The following SYNPO variants were observed in gnomAD, a reference collection of about 807,000 sequenced individuals.
SYNPO encodes synaptopodin.
SYNPO carries 19 observed loss-of-function variants against 49.5 expected under a neutral mutation model. The ratio of observed to expected loss-of-function variants is 0.38; its 90% CI spans 0.27 to 0.56. The LOEUF is 0.56. Among genes scored for constraint, SYNPO ranks in the 20% least tolerant of loss-of-function variants. The probability of loss-of-function intolerance (pLI) is 0.68; values close to 1 mark genes in which losing one functional copy is unlikely to be tolerated. For synonymous variants in SYNPO, 536 were observed against 548.0 expected (o/e 0.98, Z 0.31); for missense variants, 1,131 against 1,248.3 (o/e 0.91, Z 1.42).
chr5:150,625,445 G>A (rs1378522242), intron 2 of SYNPO, among the ~76,000 whole-genome samples: 1 of 152,196 alleles, frequency 6.6e-6, no homozygotes, highest in Non-Finnish European at 1.5e-5. Flanking sequence ...TGGCTGTGCC[G>A]GTGGGGCACA....
chr5:150,651,367 C>T (rs1372526632), intron 2 of SYNPO: 3 of 1,000,428 alleles, frequency 3.0e-6, no homozygotes, highest in Non-Finnish European at 3.6e-6. Flanking sequence ...TCAGTTTTAT[C>T]ATTTATACAA....
chr5:150,618,577 C>A lies in SYNPO; in HGVS notation c.210C>A (p.Cys70Ter). ...GCAGGAGTGGGGACGACTCTGCCTG[C>A]AGAGTCACCCAGGGGACACCGCAGC... The change falls in exon 2 of 3, where the codon TGC becomes TGA. Residue 70 changes from cysteine (C) to a stop codon, truncating the protein, a stop_gained. Coordinates refer to the SYNPO transcript ENST00000394243. LOFTEE classifies it high-confidence loss of function. The A allele has an allele frequency of 6.4e-7, 1 of 1,550,668 alleles. No homozygotes were observed. The highest frequency in any genetic ancestry group is 8.7e-7 in the Non-Finnish European group (1 of 1,146,338).
chr5:150,603,864 C>T (rs1385913552), intron 1 of SYNPO, among the ~76,000 whole-genome samples: 1 of 152,208 alleles, frequency 6.6e-6, no homozygotes, highest in Non-Finnish European at 1.5e-5. Context: ...TAAAGCGATT[C>T]TCTAGTGCTG....
In SYNPO at chr5:150,649,444, C is replaced by T; in HGVS notation, c.1169C>T (p.Thr390Ile). The T allele has an allele frequency of 6.2e-7, 1 of 1,614,180 alleles. No individual in the cohort carries two copies. The highest frequency in any genetic ancestry group is 8.5e-7 in the Non-Finnish European group (1 of 1,180,036). The change falls in exon 2 of 3, where the codon ACC becomes ATC. Residue 390 changes from threonine (T) to isoleucine (I), a missense_variant. By Grantham distance (89) the Thr-to-Ile change is moderately conservative. Transcript: ENST00000307662. ...MFTFVEKPKV[T>I]PNPDLLDLVQ... Reference sequence around the variant, plus strand: ...ACTTTCGTGGAGAAGCCCAAGGTGACCCCGAATCCAGACTTGCTGGATCTG... The same window carrying T: ...ACTTTCGTGGAGAAGCCCAAGGTGATCCCGAATCCAGACTTGCTGGATCTG...
At chr5:150,640,009 C>T (rs1034482850), upstream of SYNPO, 1 of 487,386 alleles carries the variant, frequency 2.1e-6, no homozygotes, top group African/African-American at 2.1e-5. Flanking sequence ...GCTGTGTGAC[C>T]TTGAGCAAGT....
intron 1 of SYNPO, among the ~76,000 whole-genome samples, chr5:150,644,170 G>GAA (rs11306904): frequency 1.6e-4 from 19 of 116,256 alleles, no homozygotes; most frequent in Admixed American, 2.7e-4. Flanking sequence ...CCCTGTCTCA[G>GAA]AAAAAAAAAA....
intron 2 of SYNPO, chr5:150,651,007 C>T: frequency 8.1e-7 from 1 of 1,234,794 alleles, no homozygotes; most frequent in East Asian, 3.3e-5. Context: ...CCTGCCCCCT[C>T]TGAGGCCTGG....
chr5:150,596,109 T>C (rs1756420588), upstream of SYNPO, among the ~76,000 whole-genome samples: 1 of 152,184 alleles, frequency 6.6e-6, no homozygotes, highest in Non-Finnish European at 1.5e-5. Context: ...CAGCTCTCTA[T>C]AGTTTGGGGG....
At chr5:150,643,141 T>A (rs6885968) in intron 1 of SYNPO, among the ~76,000 whole-genome samples, 45 of 152,296 alleles carry the variant, frequency 3.0e-4, no homozygotes, top group African/African-American at 1.1e-3. Context: ...AACACTGAAG[T>A]GCTTTCTATG....
At chr5:150,614,713 T>G (rs886083493) in intron 1 of SYNPO, 1 of 152,162 alleles carries the variant, frequency 6.6e-6, no homozygotes, top group Non-Finnish European at 1.5e-5. Flanking sequence ...GTCATGAATC[T>G]GGGGGAAATG....
intron 2 of SYNPO, among the ~76,000 whole-genome samples, chr5:150,633,072 T>C (rs953797047): frequency 1.3e-5 from 2 of 152,208 alleles, no homozygotes; most frequent in African/African-American, 4.8e-5. Context: ...GCCATATCAT[T>C]TCCTTGCATC....
rs1407731489 is a variant in SYNPO at position 150,656,552 on chromosome 5, CG to C, written c.2178del (p.Met728CysfsTer211). 73 of 1,528,190 alleles carry C rather than the reference CG, an allele frequency of 4.8e-5. No individual in the cohort carries two copies. Among genetic ancestry groups the C allele is most frequent in the Non-Finnish European group, 6.4e-5 (73 of 1,143,994 alleles). The allele number at this position is 1,528,190 out of a possible 1,614,324, so 94.7% of individuals were successfully genotyped here. ...AGCCCCCCGCCGCTGCCGCCGCCAC[CG>C]CCCATGTCTCCCTCGTGGAGCGAGC... ...MSSPPPLPPP[P>X]PMSPSWSERS... On this transcript the variant is annotated frameshift_variant, in exon 3 of 3. Transcript: ENST00000307662. LOFTEE classifies it high-confidence loss of function.
intron 1 of SYNPO, among the ~76,000 whole-genome samples, chr5:150,604,716 C>T (rs1387725229): frequency 1.3e-5 from 2 of 152,040 alleles, no homozygotes; most frequent in South Asian, 2.1e-4. Context: ...AATGGATTGT[C>T]GTGAAAATTC....
At chr5:150,598,447 TG>T (rs1201813156), upstream of SYNPO, among the ~76,000 whole-genome samples, 1 of 152,124 alleles carries the variant, frequency 6.6e-6, no homozygotes. Flanking sequence ...ACGGACAGGC[TG>T]GGGGGCTTTC....
At chr5:150,654,881 T>C (rs1758504682) in intron 2 of SYNPO, among the ~76,000 whole-genome samples, 1 of 152,156 alleles carries the variant, frequency 6.6e-6, no homozygotes, top group Non-Finnish European at 1.5e-5. Flanking sequence ...ATCCCAGCAC[T>C]TTGGGAGGCT....
intron 2 of SYNPO, among the ~76,000 whole-genome samples, chr5:150,625,978 T>G (rs1757343362): frequency 6.6e-6 from 1 of 152,240 alleles, no homozygotes; most frequent in Admixed American, 6.5e-5. Context: ...GGGTAGCCCC[T>G]GAGGGGGAAA....
upstream of SYNPO, among the ~76,000 whole-genome samples, chr5:150,597,368 G>T (rs1756443949): frequency 6.6e-6 from 1 of 152,274 alleles, no homozygotes; most frequent in African/African-American, 2.4e-5. Context: ...TTTTGCTCTT[G>T]TTGCCCATGC....
At chr5:150,608,699 A>G (rs1165441370) in intron 1 of SYNPO, among the ~76,000 whole-genome samples, 16 of 152,146 alleles carry the variant, frequency 1.1e-4, no homozygotes, top group Non-Finnish European at 5.9e-5. Flanking sequence ...CTACCTGCGC[A>G]TAGGAACAAC....
chr5:150,656,377 GC>G, intron 2 of SYNPO, 26 bp from the exon 3 acceptor site: 1 of 1,505,976 alleles, frequency 6.6e-7, no homozygotes, highest in Non-Finnish European at 8.9e-7. Flanking sequence ...ACTAATGCCT[GC>G]CCCACCCTCT....
Sources: allele counts gnomAD v4.1 joint callset (sites outside exome capture counted in the v4.1 genomes callset), GRCh38; gene constraint gnomAD v4.1.1; transcripts MANE v1.5; gene names NCBI Gene and HGNC (gene_info 2026-07-23, HGNC 2026-07-21).